Variants in ST6GALNAC3 observed in about 807,000 individuals in gnomAD.
ST6GALNAC3 encodes alpha-N-acetylgalactosaminide alpha-2,6-sialyltransferase 3.
In ST6GALNAC3, 25 loss-of-function variants were observed where a neutral mutation model predicts 32.7. That is an observed-to-expected ratio of 0.76 (90% confidence interval 0.56 to 1.07). The LOEUF (loss-of-function observed/expected upper bound fraction) is 1.07. Among genes scored for constraint, ST6GALNAC3 ranks in the 50% least tolerant of loss-of-function variants. The pLI is 0.00. For missense variants in ST6GALNAC3, 355 were observed against 382.4 expected, an observed-to-expected ratio of 0.93 and a Z score of 0.60; for synonymous variants, 129 against 133.1, an observed-to-expected ratio of 0.97 and a Z score of 0.21.
intron 1 of ST6GALNAC3, among the ~76,000 whole-genome samples, chr1:76,165,864 T>C (rs563556189): frequency 4.6e-5 from 7 of 152,278 alleles, no homozygotes; most frequent in Middle Eastern, 6.8e-3. Flanking sequence ...CTAATGGGTT[T>C]TTTTTCTTGT....
In ST6GALNAC3 at chr1:76,604,076, G is replaced by T. The variant is rs114536547; in HGVS notation, c.624-23376G>T. ...AGAATTGGCTGGGCCTTGCAAAGTC[G>T]CAGTCCTTTGAAAGAATGGTTGAAT... is the stretch of plus-strand genomic sequence containing the variant. On this transcript the variant is annotated intron_variant, in intron 3 of 4. Transcript: ENST00000328299. Among the ~76,000 whole-genome samples the T allele has an allele frequency of 1.8e-3, 278 of 152,162 alleles. 2 individuals carry two copies. The highest frequency in any genetic ancestry group is 6.3e-3 in the African/African-American group (260 of 41,494).
At chr1:76,433,727 T>C (rs1395958502) in intron 3 of ST6GALNAC3, among the ~76,000 whole-genome samples, 1 of 152,122 alleles carries the variant, frequency 6.6e-6, no homozygotes, top group African/African-American at 2.4e-5. Flanking sequence ...AAGTCATGGG[T>C]CACTTCTGTT....
chr1:76,462,187 C>T (rs1658322388), intron 3 of ST6GALNAC3, among the ~76,000 whole-genome samples: 1 of 151,574 alleles, frequency 6.6e-6, no homozygotes, highest in African/African-American at 2.4e-5. Context: ...CAAGACTCAA[C>T]ACAGAACAGG....
intron 3 of ST6GALNAC3, among the ~76,000 whole-genome samples, chr1:76,545,140 C>T (rs1664214768): frequency 6.6e-6 from 1 of 152,156 alleles, no homozygotes; most frequent in African/African-American, 2.4e-5. Flanking sequence ...CCTCGCCTCA[C>T]CTCTTAGATT....
chr1:76,406,067 T>G (rs1448346933), intron 2 of ST6GALNAC3, among the ~76,000 whole-genome samples: 1 of 152,034 alleles, frequency 6.6e-6, no homozygotes. Context: ...ATACTCATGC[T>G]TATAATAAAA....
At chr1:76,241,197 G>A (rs1656942577) in intron 1 of ST6GALNAC3, among the ~76,000 whole-genome samples, 1 of 152,088 alleles carries the variant, frequency 6.6e-6, no homozygotes, top group Non-Finnish European at 1.5e-5. Context: ...TGTTGCTATT[G>A]AGTACCTTTC....
In ST6GALNAC3 at chr1:76,175,691, A is replaced by G. The variant is rs557697533; in HGVS notation, c.18+100807A>G. ...AAATACTTAAAAAATATATTCCCCC[A>G]GGTCAATGCTTTGCCATGAAAAGGA... On this transcript the variant is annotated intron_variant, in intron 1 of 4. Coordinates refer to ENST00000328299, the MANE Select transcript of ST6GALNAC3 (RefSeq NM_152996.4). Among the ~76,000 whole-genome samples, 4 of 152,326 alleles carry G rather than the reference A, an allele frequency of 2.6e-5. No individual in the cohort carries two copies. The South Asian group carries it at 8.3e-4, about 32-fold the overall frequency.
chr1:76,516,613 C>A (rs1312921043), intron 3 of ST6GALNAC3, among the ~76,000 whole-genome samples: 2 of 151,874 alleles, frequency 1.3e-5, no homozygotes, highest in African/African-American at 4.9e-5. Context: ...TCTGAGCTTG[C>A]TCTTTTCACC....
intron 3 of ST6GALNAC3, among the ~76,000 whole-genome samples, chr1:76,550,286 AG>A (rs1191868574): frequency 6.6e-6 from 1 of 152,192 alleles, no homozygotes; most frequent in African/African-American, 2.4e-5. Context: ...TACTTATAAA[AG>A]CTTTACAGTT....
intron 3 of ST6GALNAC3, among the ~76,000 whole-genome samples, chr1:76,543,268 G>A (rs1664099633): frequency 6.6e-6 from 1 of 152,148 alleles, no homozygotes; most frequent in African/African-American, 2.4e-5. Flanking sequence ...ACTCAGGGAA[G>A]GTCGGGAACT....
chr1:76,395,443 G>C (rs1338817076), intron 2 of ST6GALNAC3, among the ~76,000 whole-genome samples: 1 of 152,142 alleles, frequency 6.6e-6, no homozygotes, highest in African/African-American at 2.4e-5. Context: ...CTACTGGGTA[G>C]TTCTCAAAAA....
intron 3 of ST6GALNAC3, among the ~76,000 whole-genome samples, chr1:76,482,988 T>G (rs907596275): frequency 1.3e-5 from 2 of 151,618 alleles, no homozygotes; most frequent in East Asian, 3.9e-4. Flanking sequence ...TGGTTTTTTG[T>G]CCTTGCGACA....
chr1:76,274,323 C>T (rs1033972352), intron 1 of ST6GALNAC3, among the ~76,000 whole-genome samples: 1 of 151,992 alleles, frequency 6.6e-6, no homozygotes, highest in African/African-American at 2.4e-5. Context: ...AAATACATAC[C>T]TGCTGTGTGA....
At chr1:76,180,149 C>A (rs78244586) in intron 1 of ST6GALNAC3, among the ~76,000 whole-genome samples, 3 of 152,174 alleles carry the variant, frequency 2.0e-5, no homozygotes, top group African/African-American at 7.2e-5. Flanking sequence ...TAAAAAGAAC[C>A]TAGCACATAC....
At chr1:76,129,717 G>T (rs572685668) in intron 1 of ST6GALNAC3, among the ~76,000 whole-genome samples, 1 of 152,104 alleles carries the variant, frequency 6.6e-6, no homozygotes, top group Non-Finnish European at 1.5e-5. Context: ...CCAAACTCAT[G>T]GCAAAGATTT....
chr1:76,414,713 C>T (rs1402077318), intron 3 of ST6GALNAC3, among the ~76,000 whole-genome samples: 2 of 152,010 alleles, frequency 1.3e-5, no homozygotes, highest in Non-Finnish European at 2.9e-5. Context: ...CACTTTCTCT[C>T]TCACCAAAGA....
intron 1 of ST6GALNAC3, among the ~76,000 whole-genome samples, chr1:76,275,868 G>A (rs1480866192): frequency 6.6e-6 from 1 of 152,158 alleles, no homozygotes; most frequent in Non-Finnish European, 1.5e-5. Flanking sequence ...GTCACATGTA[G>A]TGCAAGCTTC....
intron 3 of ST6GALNAC3, among the ~76,000 whole-genome samples, chr1:76,446,244 C>A (rs1656958526): frequency 6.6e-6 from 1 of 152,102 alleles, no homozygotes. Flanking sequence ...ATCCCATATA[C>A]CCTTATCCCC....
intron 2 of ST6GALNAC3, among the ~76,000 whole-genome samples, chr1:76,317,234 C>T (rs542025531): frequency 6.6e-6 from 1 of 152,254 alleles, no homozygotes. Flanking sequence ...CCCCTACCAC[C>T]ATGTCTGTGC....
Sources: gnomAD v4.1 joint callset for allele counts (sites outside exome capture counted in the v4.1 genomes callset) on GRCh38, gnomAD v4.1.1 for gene constraint, MANE v1.5 for transcripts, NCBI Gene and HGNC (gene_info 2026-07-23, HGNC 2026-07-21) for gene names.